Variants in PACRGL observed in about 807,000 individuals in gnomAD.
PACRGL encodes the protein PACRG-like protein.
A neutral mutation model predicts 34.5 loss-of-function variants in PACRGL; 38 were observed. The observed-to-expected ratio is 1.10, with a 90% confidence interval of 0.85 to 1.44. The LOEUF (loss-of-function observed/expected upper bound fraction) is 1.44. Ranked by LOEUF, PACRGL falls within the 40% of genes most tolerant of loss-of-function variation. The probability of loss-of-function intolerance (pLI) is 0.00; values close to 1 mark genes in which losing one functional copy is unlikely to be tolerated. For missense variants in PACRGL, 305 were observed against 281.4 expected, an observed-to-expected ratio of 1.08 and a Z score of -0.60; for synonymous variants, 128 against 100.1, an observed-to-expected ratio of 1.28 and a Z score of -1.66.
At chr4:20,767,186 A>G in the PACRGL span, 1 of 152,194 alleles carries the variant, frequency 6.6e-6, no homozygotes, top group Non-Finnish European at 1.5e-5. Context: ...CTAGAATAAC[A>G]CAGGTCTGAA....
chr4:20,730,196 CCT>C lies in PACRGL; in HGVS notation c.*2856_*2857del, dbSNP rs1240638683. On this transcript the variant is annotated 3_prime_UTR_variant, in exon 9 of 9. Transcript: ENST00000503585. The stretch of plus-strand genomic sequence containing the variant: ...GCAAGGAAAAGTACACTATTTTGCC[CCT>C]GAGTATTGCCTCCTCCCATCAACCA... 9.2e-6 allele frequency: 14 copies of C among 1,517,248 alleles called. No homozygotes were observed. In the Admixed American group the frequency reaches 1.1e-4, roughly 11 times the overall value. The allele number at this position is 1,517,248 out of a possible 1,614,324, so 94.0% of individuals were successfully genotyped here. A position where few individuals can be genotyped will look rare whatever the true frequency, so the allele number is the denominator to read the frequency against.
chr4:20,751,538 GAA>G (rs34470537), intron 8 of PACRGL, among the ~76,000 whole-genome samples: 9 of 147,416 alleles, frequency 6.1e-5, no homozygotes, highest in South Asian at 4.3e-4. Context: ...TTCAGAGGAG[GAA>G]AAAAAAAAGA....
chr4:20,717,621 T>G (rs1392201050), intron 7 of PACRGL, among the ~76,000 whole-genome samples: 2 of 152,194 alleles, frequency 1.3e-5, no homozygotes, highest in Non-Finnish European at 1.5e-5. Context: ...TTCTGTCAGG[T>G]TTGTCAAAGA....
At chr4:20,717,495 T>C (rs1740699441) in intron 7 of PACRGL, among the ~76,000 whole-genome samples, 1 of 152,210 alleles carries the variant, frequency 6.6e-6, no homozygotes, top group South Asian at 2.1e-4. Context: ...TAATCCATCT[T>C]GAATTAATTT....
chr4:20,713,304 T>A, intron 6 of PACRGL, 128 bp from the exon 7 acceptor site: 1 of 680,342 alleles, frequency 1.5e-6, no homozygotes. Context: ...GTTGACTATC[T>A]TCTGATTGTA....
chr4:20,761,366 G>A, the PACRGL span, among the ~76,000 whole-genome samples: 489 of 152,238 alleles, frequency 3.2e-3, 1 homozygote, highest in Middle Eastern at 0.017. Flanking sequence ...ACAACCAATA[G>A]CTACAACTCC....
In PACRGL at chr4:20,730,620, TC is replaced by T. The variant is rs1230595316; in HGVS notation, c.*3280del. ...TTAAGAGGTAACATGTTTGCAGTAA[TC>T]ATCTCTCTTTCTGTCTGCTAGTTAT... On this transcript the variant is annotated 3_prime_UTR_variant, in exon 9 of 9. Transcript: ENST00000503585. Among the ~76,000 whole-genome samples, 1 of 152,100 alleles carries T rather than the reference TC, an allele frequency of 6.6e-6. No homozygotes were observed. Among genetic ancestry groups the T allele is most frequent in the Non-Finnish European group, 1.5e-5 (1 of 68,024 alleles).
intron 8 of PACRGL, among the ~76,000 whole-genome samples, chr4:20,740,345 C>A (rs145561667): frequency 0.031 from 4,780 of 152,134 alleles, 92 homozygotes; most frequent in Non-Finnish European, 0.046. Context: ...TCGGGTTACC[C>A]ACAAAGGGAA....
chr4:20,726,190 A>T (rs1745548977), intron 8 of PACRGL, among the ~76,000 whole-genome samples: 1 of 152,066 alleles, frequency 6.6e-6, no homozygotes, highest in Admixed American at 6.6e-5. Flanking sequence ...AGGAGATAGT[A>T]TATGTGTAAA....
rs1227540921 is a variant in PACRGL at position 20,709,784 on chromosome 4, C to T, written c.366+11C>T. The stretch of plus-strand genomic sequence containing the variant: ...ATTACTTTAGCTGAGGTAAATATGC[C>T]ATCTCTTGAATATTTATCAGAAAAT... On this transcript the variant is annotated intron_variant, in intron 5 of 8. Transcript: ENST00000503585. 4 of 1,547,694 alleles carry T rather than the reference C, an allele frequency of 2.6e-6. No individual in the cohort carries two copies. Among genetic ancestry groups the T allele is most frequent in the Non-Finnish European group, 2.7e-6 (3 of 1,121,690 alleles).
chr4:20,707,932 A>C, intron 4 of PACRGL, 62 bp downstream of exon 4: 1 of 1,225,926 alleles, frequency 8.2e-7, no homozygotes, highest in Non-Finnish European at 1.2e-6. Context: ...AAATGAATAC[A>C]ATATTTAGTT....
chr4:20,713,566 A>G (rs73240290), intron 7 of PACRGL, 27 bp downstream of exon 7: 127,254 of 1,529,140 alleles, frequency 0.083, 5,805 homozygotes, highest in African/African-American at 0.11. Flanking sequence ...TTAGATAATG[A>G]TTGACTGTAT....
intron 7 of PACRGL, 114 bp downstream of exon 7, chr4:20,713,653 T>C: frequency 1.3e-6 from 1 of 775,346 alleles, no homozygotes; most frequent in Admixed American, 2.4e-5. Flanking sequence ...AATCTCCCTC[T>C]ACACACTGCT....
chr4:20,722,809 T>G (rs1405575891), intron 7 of PACRGL, among the ~76,000 whole-genome samples: 1 of 152,256 alleles, frequency 6.6e-6, no homozygotes, highest in Admixed American at 6.5e-5. Context: ...GGCCAAACTT[T>G]AGGCAAGGGA....
Position 20,731,679 on chromosome 4 carries a change from C to T in PACRGL, c.*4338C>T, listed in dbSNP as rs1007676352. On this transcript the variant is annotated 3_prime_UTR_variant, in exon 9 of 9. Transcript: ENST00000503585. ...TATGATAGATAATATATGAGTGATG[C>T]TAAGTTTTGGCAAAGAGCAATTCAA... is the stretch of plus-strand genomic sequence containing the variant. The T allele has an allele frequency of 2.0e-6, 2 of 985,074 alleles. No individual in the cohort carries two copies. The highest frequency in any genetic ancestry group is 2.4e-6 in the Non-Finnish European group (2 of 829,840). The allele number at this position is 985,074 out of a possible 1,614,324, so 61.0% of individuals were successfully genotyped here. A position where few individuals can be genotyped will look rare whatever the true frequency, so the allele number is the denominator to read the frequency against.
In PACRGL at chr4:20,732,180, A is replaced by T. The variant is rs865952830; in HGVS notation, c.*4839A>T. ...GAAAACCTAGCTGCTTATTTATTTC[A>T]CGTGGAGGAACTGTTTCAGAGCAGG... On this transcript the variant is annotated 3_prime_UTR_variant, in exon 9 of 9. Coordinates refer to ENST00000503585, the MANE Select transcript of PACRGL (RefSeq NM_001258345.3). 1.3e-5 allele frequency: 9 copies of T among 713,588 alleles called. No individual in the cohort carries two copies. The Middle Eastern group carries it at 1.9e-3, about 154-fold the overall frequency. The allele number at this position is 713,588 out of a possible 1,614,324, so 44.2% of individuals were successfully genotyped here. A position where few individuals can be genotyped will look rare whatever the true frequency, so the allele number is the denominator to read the frequency against.
the PACRGL span, among the ~76,000 whole-genome samples, chr4:20,763,483 G>T: frequency 6.6e-6 from 1 of 152,082 alleles, no homozygotes; most frequent in Admixed American, 6.6e-5. Flanking sequence ...AGAGTACATG[G>T]AAACTTTTTA....
At chr4:20,745,588 A>G (rs770632995) in intron 8 of PACRGL, among the ~76,000 whole-genome samples, 1 of 152,206 alleles carries the variant, frequency 6.6e-6, no homozygotes, top group Non-Finnish European at 1.5e-5. Context: ...AAAGGAGGTT[A>G]TATCTGTTCC....
rs559851312 is a variant in PACRGL, at chr4:20,708,295, C to T, written c.275+425C>T. On this transcript the variant is annotated intron_variant, in intron 4 of 8. Transcript: ENST00000503585. ...ATATAATTCTTGCCACCTTTCTAGA[C>T]AGATGTCAGAACTTTAAAAAAAAAA... is the stretch of plus-strand genomic sequence containing the variant. Among the ~76,000 whole-genome samples the T allele has an allele frequency of 2.0e-5, 3 of 151,750 alleles. No homozygotes were observed. The South Asian group carries it at 6.2e-4, about 32-fold the overall frequency.
Sources: gnomAD v4.1 joint callset for allele counts (sites outside exome capture counted in the v4.1 genomes callset) on GRCh38, gnomAD v4.1.1 for gene constraint, MANE v1.5 for transcripts, NCBI Gene and HGNC (gene_info 2026-07-23, HGNC 2026-07-21) for gene names.